The following HSF2 variants were observed in gnomAD, a reference collection of about 807,000 sequenced individuals.
HSF2 encodes heat shock factor protein 2.
A neutral mutation model predicts 65.0 loss-of-function variants in HSF2; 21 were observed. The observed-to-expected ratio is 0.32, with a 90% CI of 0.23 to 0.47. The LOEUF (loss-of-function observed/expected upper bound fraction) is 0.47, where lower values mean the gene tolerates loss of function less well. Ranked by LOEUF, HSF2 falls within the 20% of genes least tolerant of loss-of-function variation. HSF2 has a pLI of 1.00. For missense variants in HSF2, 499 were observed against 628.1 expected, an observed-to-expected ratio of 0.79 and a Z score of 2.20; for synonymous variants, 225 against 219.1, an observed-to-expected ratio of 1.03 and a Z score of -0.24.
At chr6:122,401,726 A>G (rs1259517306) in intron 1 of HSF2, among the ~76,000 whole-genome samples, 1 of 152,216 alleles carries the variant, frequency 6.6e-6, no homozygotes, top group East Asian at 1.9e-4. Context: ...TGCCAGAGAC[A>G]CACTAGGTGT....
rs1252349792 is a variant in HSF2, at chr6:122,412,656, A to G, written c.222A>G (p.Val74=). The change falls in exon 3 of 13, where the codon GTA becomes GTG. Residue 74 remains valine (V), a synonymous_variant. Transcript: ENST00000368455. ...QLNMYGFRKV[V]HIDSGIVKQE... ...TTTCAGATGGTTTCCGTAAAGTAGT[A>G]CATATCGACTCTGGAATTGTAAAGC... 5.0e-6 allele frequency: 8 copies of G among 1,612,164 alleles called. No homozygotes were observed. Among genetic ancestry groups the G allele is most frequent in the South Asian group, 3.3e-5 (3 of 91,002 alleles).
chr6:122,431,352 A>G lies in HSF2; in HGVS notation c.1231-78A>G, dbSNP rs551408021. ...TTTCAGATAATATACCAGTATTTAC[A>G]TATTGTATCAATTTTTCATTTTTTT... On this transcript the variant is annotated intron_variant, in intron 11 of 12. Transcript: ENST00000368455. The G allele has an allele frequency of 7.0e-5, 41 of 584,344 alleles. 1 individual carries two copies. In the South Asian group the frequency reaches 1.5e-3, roughly 21 times the overall value. The allele number at this position is 584,344 out of a possible 1,614,324, so 36.2% of individuals were successfully genotyped here. A position where few individuals can be genotyped will look rare whatever the true frequency, so the allele number is the denominator to read the frequency against.
chr6:122,423,030 G>C, intron 9 of HSF2, 73 bp downstream of exon 9: 1 of 1,533,806 alleles, frequency 6.5e-7, no homozygotes, highest in Non-Finnish European at 9.0e-7. Flanking sequence ...GTTTCTCTTT[G>C]AGTAATCTTC....
At chr6:122,399,602 G>C (rs753610481), upstream of HSF2, 50 of 677,720 alleles carry the variant, frequency 7.4e-5, no homozygotes, top group Non-Finnish European at 2.7e-5. Flanking sequence ...CGCGCGCCTG[G>C]CGGGGTTGGG....
intron 5 of HSF2, 35 bp from the exon 6 acceptor site, chr6:122,419,133 T>G (rs1582615709): frequency 1.0e-6 from 1 of 982,104 alleles, no homozygotes; most frequent in Middle Eastern, 2.4e-4. Context: ...GAATTAACAG[T>G]ATAATGAAAT....
Position 122,427,920 on chromosome 6 carries a change from G to A in HSF2, c.1194G>A (p.Val398=), listed in dbSNP as rs757290510. The A allele has an allele frequency of 2.5e-6, 4 of 1,601,654 alleles. No homozygotes were observed. Among genetic ancestry groups the A allele is most frequent in the Non-Finnish European group, 3.4e-6 (4 of 1,170,940 alleles). Residue 398 remains valine, a synonymous_variant, in exon 11 of 13, where the codon GTG becomes GTA. Transcript: ENST00000368455. ...TCTTTCAGCTTTTCACTAGTTCTGT[G>A]CAGATGAATCCCACAGATTACATCA... ...DLLVDLFTSS[V]QMNPTDYINN...
chr6:122,419,217 T>G lies in HSF2; in HGVS notation c.581T>G (p.Leu194Ter). The G allele has an allele frequency of 6.7e-7, 1 of 1,488,572 alleles. No homozygotes were observed. The highest frequency in any genetic ancestry group is 9.3e-7 in the Non-Finnish European group (1 of 1,071,574). The allele number at this position is 1,488,572 out of a possible 1,614,324, so 92.2% of individuals were successfully genotyped here. The change falls in exon 6 of 13, where the codon TTA (leucine) becomes TGA (stop). Residue 194 changes from leucine to a stop codon, truncating the protein, a stop_gained. Transcript: ENST00000368455. LOFTEE classifies it high-confidence loss of function. ...GTTCAAAATAACCAACTTGTGAGTT[T>G]AAAACGTAAAAGGTAAGTTTTTATG... ...TLVQNNQLVS[L>*]KRKRPLLLNT...
chr6:122,416,975 C>CT (rs1020051162), intron 5 of HSF2, among the ~76,000 whole-genome samples: 7 of 152,118 alleles, frequency 4.6e-5, no homozygotes, highest in Admixed American at 4.6e-4. Flanking sequence ...AAACTAGACT[C>CT]TGAGTTTAAG....
intron 11 of HSF2, among the ~76,000 whole-genome samples, chr6:122,428,460 T>C (rs181556756): frequency 2.0e-5 from 3 of 152,062 alleles, no homozygotes; most frequent in South Asian, 2.1e-4. Flanking sequence ...TTTTGACATA[T>C]AGGAACTGCA....
At chr6:122,419,269 C>A in intron 6 of HSF2, 40 bp downstream of exon 6, 1 of 986,024 alleles carries the variant, frequency 1.0e-6, no homozygotes, top group Non-Finnish European at 1.6e-6. Context: ...TGTATATAGG[C>A]AGTCACACTT....
rs942585001 is a variant in HSF2, at chr6:122,431,462, C to A, written c.1263C>A (p.Asn421Lys). 37 of 1,584,010 alleles carry A rather than the reference C, an allele frequency of 2.3e-5. No homozygotes were observed. The highest frequency in any genetic ancestry group is 3.1e-5 in the Non-Finnish European group (36 of 1,160,688). ...SENKGLETTK[N>K]NVVQPVSEEG... Reference sequence around the variant, plus strand: ...ATAAAGGATTAGAAACTACCAAGAACAATGTAGTTCAGCCAGTTTCGGAAG... The same window carrying A: ...ATAAAGGATTAGAAACTACCAAGAAAAATGTAGTTCAGCCAGTTTCGGAAG... The change falls in exon 12 of 13, where the codon AAC (asparagine) becomes AAA (lysine). Residue 421 changes from asparagine (N) to lysine (K), a missense_variant. This residue lies in a region of HSF2 where 349 missense variants were observed against 393.5 expected (regional missense o/e 0.89). Coordinates refer to ENST00000368455, the MANE Select transcript of HSF2 (RefSeq NM_004506.4).
At chr6:122,402,667 C>T (rs1773764523) in intron 1 of HSF2, among the ~76,000 whole-genome samples, 1 of 151,940 alleles carries the variant, frequency 6.6e-6, no homozygotes, top group African/African-American at 2.4e-5. Flanking sequence ...ATTCTTCTGC[C>T]TCAGCGTCTC....
At chr6:122,414,286 TAGTA>T (rs2114435465) in intron 4 of HSF2, among the ~76,000 whole-genome samples, 1 of 152,322 alleles carries the variant, frequency 6.6e-6, no homozygotes, top group East Asian at 1.9e-4. Flanking sequence ...TTACTCTTCT[TAGTA>T]AGTAGCTGGA....
chr6:122,432,154 A>G lies in HSF2; in HGVS notation c.1545A>G (p.Thr515=). Residue 515 remains threonine (T), a synonymous_variant, in exon 13 of 13, where the codon ACA becomes ACG. Transcript: ENST00000368455. ...PLTEAEASEA[T]LFYLCELAPA... is the part of the protein sequence containing the mutation. The stretch of plus-strand genomic sequence containing the variant: ...CTGAAGCTGAAGCTAGTGAAGCTAC[A>G]CTGTTTTATTTATGTGAACTTGCTC... 1.2e-6 allele frequency: 2 copies of G among 1,614,112 alleles called. No homozygotes were observed. The highest frequency in any genetic ancestry group is 1.7e-6 in the Non-Finnish European group (2 of 1,179,982).
intron 10 of HSF2, among the ~76,000 whole-genome samples, chr6:122,424,880 T>C (rs1275040987): frequency 6.6e-6 from 1 of 152,068 alleles, no homozygotes; most frequent in Non-Finnish European, 1.5e-5. Flanking sequence ...TAGGTCATTT[T>C]AATTCAACTT....
chr6:122,416,389 G>T, intron 5 of HSF2, 93 bp downstream of exon 5: 1 of 722,916 alleles, frequency 1.4e-6, no homozygotes, highest in East Asian at 2.7e-5. Context: ...GTCTGTGATT[G>T]ATCTTAGTTT....
rs930917116 is a variant in HSF2, at chr6:122,419,379, G to C, written c.593+150G>C. The C allele has an allele frequency of 1.6e-5, 8 of 501,978 alleles. No homozygotes were observed. The African/African-American group carries it at 1.6e-4, about 10-fold the overall frequency. 31.1% of individuals were successfully genotyped at this position (501,978 alleles called of 1,614,324 possible). A position where few individuals can be genotyped will look rare whatever the true frequency, so the allele number is the denominator to read the frequency against. On this transcript the variant is annotated intron_variant, in intron 6 of 12. Transcript: ENST00000368455. ...TTAAATTATACTCTTAAAATCTCTA[G>C]AGTAGTATTATTTTTTAGTTTTATC...
intron 1 of HSF2, among the ~76,000 whole-genome samples, chr6:122,401,128 C>T (rs1009377493): frequency 6.6e-6 from 1 of 152,132 alleles, no homozygotes; most frequent in Non-Finnish European, 1.5e-5. Flanking sequence ...ACTGAGTTAT[C>T]CTTTTAGCCC....
chr6:122,403,747 G>C (rs1773796690), intron 1 of HSF2, among the ~76,000 whole-genome samples: 1 of 151,748 alleles, frequency 6.6e-6, no homozygotes, highest in Non-Finnish European at 1.5e-5. Context: ...TTATATAACT[G>C]TTCTTGGCTT....
Sources: allele counts gnomAD v4.1 joint callset (sites outside exome capture counted in the v4.1 genomes callset), GRCh38; gene constraint gnomAD v4.1.1; regional missense constraint gnomAD v4.1.1; transcripts MANE v1.5; gene names NCBI Gene and HGNC (gene_info 2026-07-23, HGNC 2026-07-21).